The following PDE6C variants were observed in gnomAD, a reference collection of about 807,000 sequenced individuals.
The protein encoded by PDE6C is phosphodiesterase 6C, also known as cone cGMP-specific 3',5'-cyclic phosphodiesterase subunit alpha'.
PDE6C carries 75 observed loss-of-function variants against 113.1 expected under a neutral mutation model. That is an observed-to-expected ratio of 0.66 (90% CI 0.55 to 0.80). PDE6C has a LOEUF of 0.80. Ranked by LOEUF, PDE6C falls within the 30% of genes least tolerant of loss-of-function variation. The pLI is 0.00. For synonymous variants in PDE6C, 375 were observed against 363.7 expected, an observed-to-expected ratio of 1.03 and a Z score of -0.35; for missense variants, 912 against 1,038.6, an observed-to-expected ratio of 0.88 and a Z score of 1.67.
intron 12 of PDE6C, 37 bp from the exon 13 acceptor site, chr10:93,640,413 T>C: frequency 6.7e-7 from 1 of 1,489,184 alleles, no homozygotes; most frequent in Non-Finnish European, 9.4e-7. Flanking sequence ...CCTTTAGAAT[T>C]CTATTCCAAA....
chr10:93,621,276 C>T (rs1193584238), intron 3 of PDE6C, among the ~76,000 whole-genome samples: 1 of 152,156 alleles, frequency 6.6e-6, no homozygotes, highest in Non-Finnish European at 1.5e-5. Context: ...ATGGTACCTA[C>T]TTCAGATGGT....
At chr10:93,640,713 C>T (rs534832849) in intron 13 of PDE6C, among the ~76,000 whole-genome samples, 156 bp downstream of exon 13, 12 of 152,194 alleles carry the variant, frequency 7.9e-5, no homozygotes, top group African/African-American at 9.6e-5. Flanking sequence ...CCTTGAGCAC[C>T]GGTGGGATGA....
At position 93,661,921 on chromosome 10, in the gene PDE6C, TAA is replaced by T. The variant is rs2058667651; in HGVS notation, c.2209-135_2209-134del. The T allele has an allele frequency of 3.4e-5, 24 of 707,838 alleles. 2 individuals carry two copies. In the South Asian group the frequency reaches 3.5e-4, roughly 10 times the overall value. 43.8% of individuals were successfully genotyped at this position (707,838 alleles called of 1,614,324 possible). The stretch of plus-strand genomic sequence containing the variant: ...ATATAATCTGTAAATGACCTCTTTT[TAA>T]AAGTTAAGAGCATACGGTTTGATAG... On this transcript the variant is annotated intron_variant, in intron 18 of 21. Coordinates refer to ENST00000371447, the MANE Select transcript of PDE6C (RefSeq NM_006204.4).
At chr10:93,618,013 GA>G (rs2058427636) in intron 1 of PDE6C, among the ~76,000 whole-genome samples, 1 of 152,142 alleles carries the variant, frequency 6.6e-6, no homozygotes, top group African/African-American at 2.4e-5. Context: ...GAACCAGAGA[GA>G]GGTAACAGAT....
In PDE6C at chr10:93,659,170, G is replaced by A. The variant is rs376989104; in HGVS notation, c.2208+3G>A. The A allele has an allele frequency of 5.6e-6, 9 of 1,602,874 alleles. No homozygotes were observed. Among genetic ancestry groups the A allele is most frequent in the African/African-American group, 1.3e-5 (1 of 74,764 alleles). Reference sequence around the variant, plus strand: ...AGCCCTGGGAGGTGCAAAGTCAGGTGAGTCCAGTTAAGTTTTCTTTTCTGT... The same window carrying A: ...AGCCCTGGGAGGTGCAAAGTCAGGTAAGTCCAGTTAAGTTTTCTTTTCTGT... On this transcript the variant is annotated splice_donor_region_variant and intron_variant, in intron 18 of 21. Coordinates refer to ENST00000371447, the MANE Select transcript of PDE6C (RefSeq NM_006204.4).
intron 4 of PDE6C, among the ~76,000 whole-genome samples, chr10:93,624,575 A>AT (rs1420005367): frequency 1.3e-5 from 2 of 152,050 alleles, no homozygotes; most frequent in African/African-American, 4.8e-5. Context: ...ATTGGAAGTT[A>AT]TTTTTTCAGA....
intron 18 of PDE6C, among the ~76,000 whole-genome samples, chr10:93,659,864 G>A (rs1270479044): frequency 6.6e-6 from 1 of 152,156 alleles, no homozygotes; most frequent in Non-Finnish European, 1.5e-5. Flanking sequence ...TCTATCAAGG[G>A]TGTTTTTGCT....
intron 11 of PDE6C, among the ~76,000 whole-genome samples, chr10:93,639,114 T>C (rs1206309865): frequency 2.0e-5 from 3 of 152,314 alleles, no homozygotes; most frequent in Middle Eastern, 3.4e-3. Context: ...CCCACATAGT[T>C]GTTGCTCATT....
intron 10 of PDE6C, among the ~76,000 whole-genome samples, chr10:93,636,520 G>A (rs556084160): frequency 1.3e-4 from 19 of 151,604 alleles, no homozygotes; most frequent in African/African-American, 3.9e-4. Context: ...GAAGATCTGG[G>A]GGTAATAAAA....
At chr10:93,628,240 AT>A (rs111776347) in intron 7 of PDE6C, among the ~76,000 whole-genome samples, 23,848 of 147,264 alleles carry the variant, frequency 0.16, 2,724 homozygotes, top group African/African-American at 0.33. Context: ...CCATTTGTTC[AT>A]TTTTTTTTTT....
chr10:93,663,865 TTC>T (rs1404357743), intron 21 of PDE6C, among the ~76,000 whole-genome samples: 2 of 152,164 alleles, frequency 1.3e-5, no homozygotes, highest in Non-Finnish European at 2.9e-5. Context: ...GAATGCTAAT[TTC>T]TGTCTTGAAA....
chr10:93,629,122 G>T lies in PDE6C; in HGVS notation c.1072-136G>T, dbSNP rs186479121. On this transcript the variant is annotated intron_variant, in intron 7 of 21. Coordinates refer to ENST00000371447, the MANE Select transcript of PDE6C (RefSeq NM_006204.4). ...TGTTAGCAGCTGTGGCCTAGTTGAG[G>T]TCCATTTGCCCGCAAGCAGTCAAGA... 337 of 755,428 alleles carry T rather than the reference G, an allele frequency of 4.5e-4. 3 individuals are homozygous for T. In the Middle Eastern group the frequency reaches 0.016, roughly 37 times the overall value. 46.8% of individuals were successfully genotyped at this position (755,428 alleles called of 1,614,324 possible).
chr10:93,636,909 T>C (rs913133205), intron 10 of PDE6C, 86 bp from the exon 11 acceptor site: 9 of 790,740 alleles, frequency 1.1e-5, no homozygotes, highest in Middle Eastern at 2.3e-4. Flanking sequence ...TTTAAATATA[T>C]CTTAACTAAG....
rs113384097 is a variant in PDE6C at position 93,631,437 on chromosome 10, G to A, written c.1119+2132G>A. Among the ~76,000 whole-genome samples, 352 of 152,366 alleles carry A rather than the reference G, an allele frequency of 2.3e-3. 3 individuals are homozygous for A. The highest frequency in any genetic ancestry group is 8.1e-3 in the African/African-American group (338 of 41,584). ...AGACAGCCAGATACCCTGCCAGGCA[G>A]CTTGGGCCCTAGGAATGCCTAACAG... On this transcript the variant is annotated intron_variant, in intron 8 of 21. Transcript: ENST00000371447.
At chr10:93,641,900 G>A (rs2058561807) in intron 14 of PDE6C, among the ~76,000 whole-genome samples, 1 of 152,178 alleles carries the variant, frequency 6.6e-6, no homozygotes, top group Non-Finnish European at 1.5e-5. Flanking sequence ...GGCTCAGGCA[G>A]ATTTGGATTC....
chr10:93,621,037 A>G (rs1419084902), intron 3 of PDE6C, 57 bp downstream of exon 3: 15 of 1,412,544 alleles, frequency 1.1e-5, no homozygotes, highest in Admixed American at 1.7e-5. Context: ...AAAGCCGCCC[A>G]GAGACAACAA....
chr10:93,632,471 C>G (rs1441152254), intron 8 of PDE6C, among the ~76,000 whole-genome samples: 1 of 152,188 alleles, frequency 6.6e-6, no homozygotes, highest in East Asian at 1.9e-4. Context: ...TTTTGTCCTA[C>G]TAATTTTTCT....
Position 93,646,596 on chromosome 10 carries a change from C to T in PDE6C, c.1935+549C>T, listed in dbSNP as rs76685853. 1.9e-3 allele frequency among the ~76,000 whole-genome samples: 292 copies of T among 152,140 alleles called. 1 individual carries two copies. Among genetic ancestry groups the T allele is most frequent in the African/African-American group, 6.7e-3 (280 of 41,492 alleles). On this transcript the variant is annotated intron_variant, in intron 15 of 21. Transcript: ENST00000371447. ...CAACCTCTGGGCAGGCCTCAAGGAG[C>T]CTACAATCATGGTGGAAGCTGAAGG...
rs143356640 is a variant in PDE6C, at chr10:93,613,009, G to A, written c.284G>A (p.Arg95His). 8.9e-5 allele frequency: 144 copies of A among 1,613,996 alleles called. 1 individual carries two copies. Among genetic ancestry groups the A allele is most frequent in the Non-Finnish European group, 1.1e-4 (133 of 1,180,022 alleles). The change falls in exon 1 of 22, where the codon CGC becomes CAC. Residue 95 changes from arginine (R) to histidine (H), a missense_variant. Arg to His is a conservative substitution (Grantham distance 29). Coordinates refer to ENST00000371447, the MANE Select transcript of PDE6C (RefSeq NM_006204.4). ...QRLAHLLQADRCSMFLCRSRN... is the reference protein window; with the variant it reads ...QRLAHLLQADHCSMFLCRSRN... Reference sequence around the variant, plus strand: ...CTGGCCCACCTGCTCCAGGCTGACCGCTGCAGCATGTTCCTGTGCCGGTCC... The same window carrying A: ...CTGGCCCACCTGCTCCAGGCTGACCACTGCAGCATGTTCCTGTGCCGGTCC...
Sources: allele counts gnomAD v4.1 joint callset (sites outside exome capture counted in the v4.1 genomes callset), GRCh38; gene constraint gnomAD v4.1.1; transcripts MANE v1.5; gene names NCBI Gene and HGNC (gene_info 2026-07-23, HGNC 2026-07-21).